Variants in NOS1AP observed in about 807,000 individuals in gnomAD.
NOS1AP encodes carboxyl-terminal PDZ ligand of neuronal nitric oxide synthase protein.
A neutral mutation model predicts 56.2 loss-of-function variants in NOS1AP; 21 were observed. That is an observed-to-expected ratio of 0.37 (90% CI 0.26 to 0.54). The LOEUF (loss-of-function observed/expected upper bound fraction) is 0.54. Among genes scored for constraint, NOS1AP ranks in the 20% least tolerant of loss-of-function variants. NOS1AP has a pLI of 0.84. For missense variants in NOS1AP, 522 were observed against 657.8 expected, an observed-to-expected ratio of 0.79 and a Z score of 2.26; for synonymous variants, 270 against 274.6, an observed-to-expected ratio of 0.98 and a Z score of 0.17.
In NOS1AP at chr1:162,196,358, C is replaced by T. The variant is rs151157274; in HGVS notation, c.177+41882C>T. 6.6e-5 allele frequency among the ~76,000 whole-genome samples: 10 copies of T among 152,316 alleles called. No individual in the cohort carries two copies. The East Asian group carries it at 7.7e-4, about 12-fold the overall frequency. ...TTCTTTGCTAGTTTGGTTGATACCA[C>T]GCTCTTTCTGTATTAAGCTGTAATC... On this transcript the variant is annotated intron_variant, in intron 2 of 9. Coordinates refer to ENST00000361897, the MANE Select transcript of NOS1AP (RefSeq NM_014697.3).
intron 2 of NOS1AP, among the ~76,000 whole-genome samples, chr1:162,210,322 C>T (rs1652308998): frequency 6.6e-6 from 1 of 152,162 alleles, no homozygotes; most frequent in South Asian, 2.1e-4. Context: ...GCCCAGCCCA[C>T]AGCTCTGCTT....
chr1:162,364,455 C>G (rs1466192173), intron 8 of NOS1AP: 4 of 985,360 alleles, frequency 4.1e-6, no homozygotes, highest in Non-Finnish European at 4.8e-6. Context: ...TTTCTTCAAA[C>G]CAGGGTCCTG....
Position 162,343,936 on chromosome 1 carries a change from T to C in NOS1AP, c.555T>C (p.Asp185=), listed in dbSNP as rs763677000. 9.9e-6 allele frequency: 16 copies of C among 1,613,928 alleles called. No homozygotes were observed. Among genetic ancestry groups the C allele is most frequent in the Non-Finnish European group, 1.2e-5 (14 of 1,180,012 alleles). ...AGCAGAATGCAGATGGCCAGGAAGA[T>C]GGAGAGAGCGAGAGGAACAGCAACA... ...HTQQNADGQE[D]GESERNSNSS... The change falls in exon 6 of 10, where the codon GAT becomes GAC. Residue 185 remains aspartate, a synonymous_variant. Coordinates refer to ENST00000361897, the MANE Select transcript of NOS1AP (RefSeq NM_014697.3).
Position 162,282,053 on chromosome 1 carries a change from T to C in NOS1AP, c.178-5291T>C, listed in dbSNP as rs538064936. Among the ~76,000 whole-genome samples, 21 of 152,278 alleles carry C rather than the reference T, an allele frequency of 1.4e-4. 1 individual carries two copies. The South Asian group carries it at 4.1e-3, about 30-fold the overall frequency. ...AGGCAGAGGTTGCAGTGAGCTGAGATTGCACCATTGCACTCCAGCCTGGGG... is the reference window on the plus strand; with the variant it reads ...AGGCAGAGGTTGCAGTGAGCTGAGACTGCACCATTGCACTCCAGCCTGGGG... On this transcript the variant is annotated intron_variant, in intron 2 of 9. Coordinates refer to ENST00000361897, the MANE Select transcript of NOS1AP (RefSeq NM_014697.3).
chr1:162,361,455 G>C (rs1293439656), intron 8 of NOS1AP, among the ~76,000 whole-genome samples: 4 of 152,178 alleles, frequency 2.6e-5, no homozygotes, highest in South Asian at 2.1e-4. Flanking sequence ...GCACCTCAAA[G>C]TTAAAAGAAG....
intron 1 of NOS1AP, among the ~76,000 whole-genome samples, chr1:162,143,352 A>T (rs952007757): frequency 6.6e-6 from 1 of 152,210 alleles, no homozygotes; most frequent in East Asian, 1.9e-4. Flanking sequence ...TGAGAATTCA[A>T]GGAGGCTATT....
intron 2 of NOS1AP, among the ~76,000 whole-genome samples, chr1:162,186,949 T>G (rs1439171004): frequency 6.6e-6 from 1 of 152,010 alleles, no homozygotes; most frequent in Non-Finnish European, 1.5e-5. Context: ...TTGTTGGTTT[T>G]GTTGTTGTTG....
At chr1:162,285,980 A>G (rs1230093947) in intron 2 of NOS1AP, among the ~76,000 whole-genome samples, 1 of 152,218 alleles carries the variant, frequency 6.6e-6, no homozygotes, top group Non-Finnish European at 1.5e-5. Context: ...TAGAGACAAG[A>G]ATGTTTCTTG....
chr1:162,228,178 G>T (rs1653003615), intron 2 of NOS1AP, among the ~76,000 whole-genome samples: 1 of 152,188 alleles, frequency 6.6e-6, no homozygotes, highest in Admixed American at 6.5e-5. Flanking sequence ...AGGAGAAAAG[G>T]CTTAGAGGTT....
intron 6 of NOS1AP, among the ~76,000 whole-genome samples, chr1:162,354,883 T>A (rs1657648139): frequency 6.6e-6 from 1 of 152,258 alleles, no homozygotes; most frequent in Non-Finnish European, 1.5e-5. Context: ...GACATGGAGA[T>A]GATCAGCATC....
chr1:162,366,790 C>T (rs1257253762), intron 9 of NOS1AP: 1 of 581,782 alleles, frequency 1.7e-6, no homozygotes, highest in Non-Finnish European at 3.2e-6. Flanking sequence ...TCAGAGCCTT[C>T]AGTGGCTACC....
intron 2 of NOS1AP, among the ~76,000 whole-genome samples, chr1:162,239,089 T>G (rs1653398018): frequency 1.3e-5 from 2 of 152,256 alleles, no homozygotes; most frequent in African/African-American, 4.8e-5. Flanking sequence ...ATGCACATAC[T>G]GTTTTCTATG....
intron 2 of NOS1AP, among the ~76,000 whole-genome samples, chr1:162,166,540 T>C (rs1019050166): frequency 6.6e-6 from 1 of 152,188 alleles, no homozygotes; most frequent in Non-Finnish European, 1.5e-5. Flanking sequence ...TTTCATCCCT[T>C]CTAGAAGCTT....
At chr1:162,070,399 C>T in intron 1 of NOS1AP, 117 bp downstream of exon 1, 2 of 812,174 alleles carry the variant, frequency 2.5e-6, no homozygotes, top group South Asian at 1.5e-5. Context: ...GATTTGGGGG[C>T]CTTTCTCTTA....
chr1:162,214,907 C>T (rs1033213284), intron 2 of NOS1AP, among the ~76,000 whole-genome samples: 2 of 152,186 alleles, frequency 1.3e-5, no homozygotes, highest in East Asian at 1.9e-4. Context: ...AATTTACCAT[C>T]GTTATTAATG....
chr1:162,086,795 C>T (rs1011461180), intron 1 of NOS1AP, among the ~76,000 whole-genome samples: 4 of 152,166 alleles, frequency 2.6e-5, no homozygotes, highest in African/African-American at 9.7e-5. Context: ...CAGCCATTCC[C>T]TTGACAGGAT....
At chr1:162,102,435 T>C (rs1647325286) in intron 1 of NOS1AP, among the ~76,000 whole-genome samples, 1 of 152,206 alleles carries the variant, frequency 6.6e-6, no homozygotes, top group Admixed American at 6.5e-5. Flanking sequence ...TGCCAGGTTT[T>C]GGTATCAGGA....
intron 1 of NOS1AP, among the ~76,000 whole-genome samples, chr1:162,079,118 A>G (rs1277466373): frequency 6.6e-6 from 1 of 152,154 alleles, no homozygotes. Context: ...GCTTTAGTCT[A>G]GTAACTTCCG....
intron 2 of NOS1AP, among the ~76,000 whole-genome samples, chr1:162,256,834 G>T (rs892221654): frequency 6.6e-6 from 1 of 151,992 alleles, no homozygotes; most frequent in African/African-American, 2.4e-5. Context: ...TTTATTTCTG[G>T]TCATCTTGAA....
Sources: allele counts gnomAD v4.1 joint callset (sites outside exome capture counted in the v4.1 genomes callset), GRCh38; gene constraint gnomAD v4.1.1; transcripts MANE v1.5; gene names NCBI Gene and HGNC (gene_info 2026-07-23, HGNC 2026-07-21).